The following SPTBN4 variants were observed in gnomAD, a reference collection of about 807,000 sequenced individuals.
The protein encoded by SPTBN4 is spectrin beta chain, non-erythrocytic 4.
SPTBN4 carries 96 observed loss-of-function variants against 277.8 expected under a neutral mutation model. That is an observed-to-expected ratio of 0.35 (90% CI 0.29 to 0.41). SPTBN4 has a LOEUF of 0.41. Among genes scored for constraint, SPTBN4 ranks in the 10% least tolerant of loss-of-function variants. The pLI is 1.00. For missense variants in SPTBN4, 3,006 were observed against 3,595.7 expected (o/e 0.84, Z 4.19); for synonymous variants, 1,481 against 1,580.3 (o/e 0.94, Z 1.49).
intron 1 of SPTBN4, among the ~76,000 whole-genome samples, 174 bp downstream of exon 1, chr19:40,467,479 G>A (rs1419956867): frequency 2.0e-5 from 3 of 152,120 alleles, no homozygotes; most frequent in Admixed American, 6.5e-5. Context: ...TAGCTTCCGC[G>A]CCACGCGTGG....
At position 40,569,639 on chromosome 19, in the gene SPTBN4, C is replaced by A. The variant is rs2081130445; in HGVS notation, c.6957-18C>A. Reference sequence around the variant, plus strand: ...GGAACCCTGGTTTCACTGGGTCTTTCTGTCCCCCATCCCCCAGGAAGGCCA... The same window carrying A: ...GGAACCCTGGTTTCACTGGGTCTTTATGTCCCCCATCCCCCAGGAAGGCCA... On this transcript the variant is annotated intron_variant, in intron 31 of 35. Transcript: ENST00000598249. The A allele has an allele frequency of 9.9e-6, 16 of 1,611,996 alleles. No homozygotes were observed. Among genetic ancestry groups the A allele is most frequent in the Non-Finnish European group, 1.3e-5 (15 of 1,179,256 alleles).
chr19:40,472,627 G>A lies in SPTBN4; in HGVS notation c.6G>A (p.Ala2=), dbSNP rs780717203. 1.1e-5 allele frequency: 18 copies of A among 1,612,014 alleles called. No individual in the cohort carries two copies. Among genetic ancestry groups the A allele is most frequent in the South Asian group, 6.6e-5 (6 of 90,766 alleles). M[A]QVPGEVDNME... is the part of the protein sequence containing the mutation. The stretch of plus-strand genomic sequence containing the variant: ...TCCAGGCCTCACCTTCCCCGATGGC[G>A]CAGGTACCAGGGGAAGTGGACAACA... Residue 2 remains alanine (A), a synonymous_variant, in exon 2 of 36, where the codon GCG becomes GCA. Coordinates refer to ENST00000598249, the MANE Select transcript of SPTBN4 (RefSeq NM_020971.3).
At chr19:40,472,495 T>C (rs2079896343) in intron 1 of SPTBN4, 112 bp from the exon 2 acceptor site, 1 of 969,280 alleles carries the variant, frequency 1.0e-6, no homozygotes, top group African/African-American at 1.7e-5. Flanking sequence ...TGTTATTATG[T>C]CCACTTTAAA....
Position 40,569,784 on chromosome 19 carries a change from A to G in SPTBN4, c.7026+58A>G, listed in dbSNP as rs1467865934. On this transcript the variant is annotated intron_variant, in intron 32 of 35. Coordinates refer to ENST00000598249, the MANE Select transcript of SPTBN4 (RefSeq NM_020971.3). ...GGACCCCTTTTTCAGAGCAGGAGGC[A>G]GGATCTCAGAAACAGCCAGTGCCTA... The G allele has an allele frequency of 2.6e-6, 4 of 1,529,296 alleles. No homozygotes were observed. In the South Asian group the frequency reaches 3.5e-5, roughly 13 times the overall value. The allele number at this position is 1,529,296 out of a possible 1,614,324, so 94.7% of individuals were successfully genotyped here.
intron 1 of SPTBN4, among the ~76,000 whole-genome samples, chr19:40,468,847 C>A (rs2079854177): frequency 6.6e-6 from 1 of 152,132 alleles, no homozygotes; most frequent in Non-Finnish European, 1.5e-5. Flanking sequence ...ATGTGTAACC[C>A]CAGCACTTTG....
intron 20 of SPTBN4, among the ~76,000 whole-genome samples, chr19:40,544,356 A>G (rs1231508140): frequency 7.0e-6 from 1 of 142,018 alleles, no homozygotes; most frequent in Non-Finnish European, 1.5e-5. Context: ...GTTGGCCAGC[A>G]TGGTGTCTAT....
chr19:40,513,546 G>A lies in SPTBN4; in HGVS notation c.2757G>A (p.Val919=), dbSNP rs1222822855. 18 of 1,575,432 alleles carry A rather than the reference G, an allele frequency of 1.1e-5. No homozygotes were observed. The highest frequency in any genetic ancestry group is 1.5e-5 in the Non-Finnish European group (18 of 1,165,828). ...VPDSLDDVEV[V]QHRFESLDQE... ...ATTCACTCGACGACGTCGAGGTGGT[G>A]CAGCACCGGTGAGCGCGCACATGTG... is the stretch of plus-strand genomic sequence containing the variant. The change falls in exon 14 of 36, where the codon GTG becomes GTA. Residue 919 remains valine (V), a synonymous_variant. Transcript: ENST00000598249.
rs1201505326 is a variant in SPTBN4 at position 40,490,604 on chromosome 19, T to G, written c.495+356T>G. On this transcript the variant is annotated intron_variant, in intron 4 of 35. Coordinates refer to ENST00000598249, the MANE Select transcript of SPTBN4 (RefSeq NM_020971.3). This position sits in a 1 kb window ranked among gnomAD's most constrained non-coding sequence, Gnocchi z 4.3. ...ATATACCTGGGTGTTGGAGCTGAAA[T>G]TCGAATCCAGGCAATCTTGATCCAG... Among the ~76,000 whole-genome samples, 1 of 152,124 alleles carries G rather than the reference T, an allele frequency of 6.6e-6. No homozygotes were observed. Among genetic ancestry groups the G allele is most frequent in the African/African-American group, 2.4e-5 (1 of 41,436 alleles).
chr19:40,467,460 C>T (rs996215232), intron 1 of SPTBN4, among the ~76,000 whole-genome samples, 155 bp downstream of exon 1: 2 of 152,176 alleles, frequency 1.3e-5, no homozygotes, highest in African/African-American at 4.8e-5. Flanking sequence ...ACAACCCCCC[C>T]ACCCGGTCTA....
rs550407846 is a variant in SPTBN4 at position 40,549,933 on chromosome 19, A to G, written c.4585-305A>G. Among the ~76,000 whole-genome samples the G allele has an allele frequency of 1.2e-4, 18 of 152,326 alleles. No homozygotes were observed. The East Asian group carries it at 1.3e-3, about 11-fold the overall frequency. Reference sequence around the variant, plus strand: ...ACAAGACCTGTATGTGCAAAGGCCAACGGTGTGAGCCTGGCTTAAGTGCAG... The same window carrying G: ...ACAAGACCTGTATGTGCAAAGGCCAGCGGTGTGAGCCTGGCTTAAGTGCAG... On this transcript the variant is annotated intron_variant, in intron 21 of 35. Transcript: ENST00000598249.
intron 3 of SPTBN4, among the ~76,000 whole-genome samples, chr19:40,489,033 A>T (rs1282596508): frequency 6.6e-6 from 1 of 151,634 alleles, no homozygotes; most frequent in East Asian, 2.0e-4. Context: ...AAAAATTTTT[A>T]AAAAATCAAA....
chr19:40,472,485 T>G, intron 1 of SPTBN4, 122 bp from the exon 2 acceptor site: 1 of 875,598 alleles, frequency 1.1e-6, no homozygotes, highest in Non-Finnish European at 1.7e-6. Context: ...GCCTTATCAT[T>G]GTTATTATGT....
Position 40,570,865 on chromosome 19 carries a change from T to C in SPTBN4, c.7319+137T>C, listed in dbSNP as rs1002020198. 155 of 647,718 alleles carry C rather than the reference T, an allele frequency of 2.4e-4. 1 individual carries two copies. The highest frequency in any genetic ancestry group is 2.6e-4 in the Admixed American group (4 of 15,274). The allele number at this position is 647,718 out of a possible 1,614,324, so 40.1% of individuals were successfully genotyped here. On this transcript the variant is annotated intron_variant, in intron 33 of 35. Coordinates refer to ENST00000598249, the MANE Select transcript of SPTBN4 (RefSeq NM_020971.3). ...TGGCGGTAGTAGGTGGGGCCAGAGC[T>C]GGGGGGTGGTGGTGGCTTAAATCAA... is the stretch of plus-strand genomic sequence containing the variant.
chr19:40,548,890 C>A (rs1337299528), intron 20 of SPTBN4, among the ~76,000 whole-genome samples: 2 of 152,168 alleles, frequency 1.3e-5, no homozygotes, highest in Non-Finnish European at 2.9e-5. Flanking sequence ...TAATGGACCA[C>A]TTTAGTTCCG....
intron 22 of SPTBN4, among the ~76,000 whole-genome samples, chr19:40,550,880 C>G (rs902458008): frequency 2.6e-5 from 4 of 152,168 alleles, no homozygotes; most frequent in Non-Finnish European, 5.9e-5. Flanking sequence ...TGATAAAAGG[C>G]CTCCAGTGGA....
intron 20 of SPTBN4, among the ~76,000 whole-genome samples, chr19:40,535,965 A>G (rs1361046691): frequency 6.6e-6 from 1 of 152,300 alleles, no homozygotes; most frequent in South Asian, 2.1e-4. Context: ...ATCTCAAAAA[A>G]TAAAAAAATA....
In SPTBN4 at chr19:40,568,205, C is replaced by T; in HGVS notation, c.6879C>T (p.Arg2293=). 1 of 1,598,724 alleles carries T rather than the reference C, an allele frequency of 6.3e-7. No homozygotes were observed. Among genetic ancestry groups the T allele is most frequent in the Non-Finnish European group, 8.5e-7 (1 of 1,173,046 alleles). The change falls in exon 31 of 36, where the codon CGC becomes CGT. Residue 2293 remains arginine, a synonymous_variant. Transcript: ENST00000598249. The part of the protein sequence containing the change: ...LGRYEQMERR[R]ERRERRLERQ... ...GCTATGAGCAGATGGAGCGGCGGCG[C>T]GAGCGGCGTGAGCGGCGCTTGGAGC...
rs2080961033 is a variant in SPTBN4, at chr19:40,554,967, T to A, written c.5084+321T>A. ...GGCAAGGGGCTCTTTCTACTCAGTG[T>A]CTGGGAGGACAGAAAAGCCTGTGCT... On this transcript the variant is annotated intron_variant, in intron 24 of 35. Coordinates refer to ENST00000598249, the MANE Select transcript of SPTBN4 (RefSeq NM_020971.3). This position sits in a 1 kb window ranked among gnomAD's most constrained non-coding sequence, Gnocchi z 5.7. 26 of 291,890 alleles carry A rather than the reference T, an allele frequency of 8.9e-5. 1 individual carries two copies. The highest frequency in any genetic ancestry group is 8.7e-4 in the South Asian group (25 of 28,788). 18.1% of individuals were successfully genotyped at this position (291,890 alleles called of 1,614,324 possible).
At chr19:40,555,964 C>T in intron 24 of SPTBN4, 120 bp from the exon 25 acceptor site, 1 of 832,528 alleles carries the variant, frequency 1.2e-6, no homozygotes, top group Non-Finnish European at 1.8e-6. Flanking sequence ...CCTGGGGACA[C>T]AGCCGTGTCT....
Sources: gnomAD v4.1 joint callset for allele counts (sites outside exome capture counted in the v4.1 genomes callset) on GRCh38, gnomAD v4.1.1 for gene constraint, Gnocchi (gnomAD v3.1) non-coding constraint, MANE v1.5 for transcripts, NCBI Gene and HGNC (gene_info 2026-07-23, HGNC 2026-07-21) for gene names.